Variants in ARHGAP10 observed in about 807,000 individuals in gnomAD.
ARHGAP10 encodes the protein rho GTPase-activating protein 10.
Under a neutral mutation model 108.6 loss-of-function variants are expected in ARHGAP10, and 87 were observed. That is an observed-to-expected ratio of 0.80 (90% CI 0.67 to 0.96). ARHGAP10 has a LOEUF of 0.96. Among genes scored for constraint, ARHGAP10 ranks in the 40% least tolerant of loss-of-function variants. The pLI, the probability that ARHGAP10 is intolerant of heterozygous loss-of-function variation, is 0.00. For synonymous variants in ARHGAP10, 347 were observed against 341.1 expected (o/e 1.02, Z -0.19); for missense variants, 939 against 954.5 (o/e 0.98, Z 0.21).
intron 10 of ARHGAP10, among the ~76,000 whole-genome samples, chr4:147,886,713 C>T (rs1019383424): frequency 3.9e-5 from 6 of 152,154 alleles, no homozygotes; most frequent in African/African-American, 1.4e-4. Flanking sequence ...AAATACATGA[C>T]CACTGTCCAA....
chr4:148,047,047 A>T lies in ARHGAP10; in HGVS notation c.2023A>T (p.Thr675Ser). Residue 675 changes from threonine (T) to serine (S), a missense_variant, in exon 20 of 23, where the codon ACT (threonine) becomes TCT (serine). Thr to Ser is a moderately conservative substitution (Grantham distance 58, BLOSUM62 1). Coordinates refer to ENST00000336498, the MANE Select transcript of ARHGAP10 (RefSeq NM_024605.4). ...AGGGAGCTTTGGAGACTGGGCATCC[A>T]CTATGTAAGTAACCGTGCTTCTGTT... ...DGGSFGDWASTIPGQTRSSMV... is the reference protein window; with the variant it reads ...DGGSFGDWASSIPGQTRSSMV... The T allele has an allele frequency of 6.2e-7, 1 of 1,613,962 alleles. No individual in the cohort carries two copies. Among genetic ancestry groups the T allele is most frequent in the African/African-American group, 1.3e-5 (1 of 74,998 alleles).
At chr4:147,810,705 T>A (rs1476764937) in intron 1 of ARHGAP10, among the ~76,000 whole-genome samples, 2 of 152,148 alleles carry the variant, frequency 1.3e-5, no homozygotes, top group East Asian at 3.9e-4. Flanking sequence ...CTCTCTGTAG[T>A]GCCTTAGGGT....
intron 1 of ARHGAP10, among the ~76,000 whole-genome samples, chr4:147,738,247 C>T (rs189816412): frequency 1.8e-4 from 28 of 152,192 alleles, no homozygotes; most frequent in Admixed American, 5.9e-4. Flanking sequence ...TCTGTGTTCT[C>T]GTCAGTAAAA....
chr4:147,949,481 T>C (rs1006285611), intron 15 of ARHGAP10, among the ~76,000 whole-genome samples: 5 of 152,198 alleles, frequency 3.3e-5, no homozygotes, highest in African/African-American at 1.2e-4. Context: ...ATTACTGATT[T>C]TCACCATTGC....
intron 1 of ARHGAP10, among the ~76,000 whole-genome samples, chr4:147,739,779 A>G (rs1450914293): frequency 6.9e-6 from 1 of 145,292 alleles, no homozygotes; most frequent in Non-Finnish European, 1.5e-5. Context: ...TTTGTTGCCC[A>G]GGCTGGAGTG....
chr4:147,941,783 T>C (rs527403067), intron 14 of ARHGAP10, among the ~76,000 whole-genome samples: 2 of 152,356 alleles, frequency 1.3e-5, no homozygotes, highest in South Asian at 4.1e-4. Context: ...CATTTTCTTA[T>C]TACCTTATGC....
chr4:147,894,222 A>G (rs1170136589), intron 10 of ARHGAP10, among the ~76,000 whole-genome samples: 1 of 152,214 alleles, frequency 6.6e-6, no homozygotes, highest in Non-Finnish European at 1.5e-5. Flanking sequence ...TTACCCTCCC[A>G]TCAGCAGTGT....
intron 13 of ARHGAP10, among the ~76,000 whole-genome samples, chr4:147,915,716 C>T (rs192502033): frequency 1.3e-5 from 2 of 152,146 alleles, no homozygotes; most frequent in African/African-American, 2.4e-5. Flanking sequence ...ATATTTTTCC[C>T]CCCAAAGGTC....
intron 1 of ARHGAP10, among the ~76,000 whole-genome samples, chr4:147,738,605 A>C (rs1728527941): frequency 6.6e-6 from 1 of 152,272 alleles, no homozygotes; most frequent in South Asian, 2.1e-4. Context: ...TAAAAGTAGG[A>C]TTTGTTAATA....
chr4:148,009,307 T>G (rs1238582943), intron 18 of ARHGAP10, among the ~76,000 whole-genome samples: 1 of 152,086 alleles, frequency 6.6e-6, no homozygotes, highest in Non-Finnish European at 1.5e-5. Flanking sequence ...AATTTTTGTA[T>G]TTTTAGTAGA....
intron 13 of ARHGAP10, among the ~76,000 whole-genome samples, chr4:147,920,262 C>G (rs1014066642): frequency 9.3e-5 from 12 of 128,652 alleles, no homozygotes; most frequent in Non-Finnish European, 1.5e-4. Flanking sequence ...ACCAAAAATA[C>G]AAAAATTAGC....
chr4:147,947,795 C>T (rs1351885462), intron 15 of ARHGAP10, among the ~76,000 whole-genome samples: 2 of 152,054 alleles, frequency 1.3e-5, no homozygotes, highest in South Asian at 2.1e-4. Flanking sequence ...ACTTATATGA[C>T]GTATTTTGTA....
chr4:147,852,876 G>T (rs189481706), intron 4 of ARHGAP10, among the ~76,000 whole-genome samples: 1 of 151,820 alleles, frequency 6.6e-6, no homozygotes, highest in African/African-American at 2.4e-5. Context: ...GCGCCAGCAC[G>T]CCAGGCTAAT....
intron 16 of ARHGAP10, among the ~76,000 whole-genome samples, chr4:147,964,447 G>A (rs1045033905): frequency 1.7e-4 from 26 of 152,182 alleles, no homozygotes; most frequent in African/African-American, 5.8e-4. Flanking sequence ...CATGCCTTCT[G>A]TTTCTAGGGC....
chr4:147,786,784 A>AG (rs911961462), intron 1 of ARHGAP10, among the ~76,000 whole-genome samples: 6 of 152,296 alleles, frequency 3.9e-5, no homozygotes, highest in African/African-American at 1.4e-4. Context: ...GTATGGGTGG[A>AG]GGAAAGGTGG....
chr4:147,779,923 A>G (rs1274064972), intron 1 of ARHGAP10, among the ~76,000 whole-genome samples: 1 of 152,168 alleles, frequency 6.6e-6, no homozygotes, highest in Admixed American at 6.5e-5. Flanking sequence ...TTCCCTAGAC[A>G]CTTACACCCT....
intron 19 of ARHGAP10, among the ~76,000 whole-genome samples, chr4:148,025,244 G>T (rs1365540080): frequency 1.3e-5 from 2 of 152,122 alleles, no homozygotes; most frequent in Non-Finnish European, 2.9e-5. Context: ...GGAAAGGATT[G>T]TCAGCTACTT....
rs80271450 is a variant in ARHGAP10 at position 147,877,565 on chromosome 4, T to C, written c.833-1667T>C. ...GTGATAACAGATGTTAATTGCTTTT[T>C]TAAAAGTGTCTTGACTCAGTAAAGT... On this transcript the variant is annotated intron_variant, in intron 8 of 22. Transcript: ENST00000336498. Among the ~76,000 whole-genome samples, 732 of 152,362 alleles carry C rather than the reference T, an allele frequency of 4.8e-3. 2 individuals carry two copies. The highest frequency in any genetic ancestry group is 8.4e-3 in the Non-Finnish European group (573 of 68,030).
At chr4:147,838,482 A>AAAC (rs1553955415) in intron 3 of ARHGAP10, among the ~76,000 whole-genome samples, 75 of 149,284 alleles carry the variant, frequency 5.0e-4, no homozygotes, top group East Asian at 9.9e-4. Context: ...TTAAAAAAAA[A>AAAC]ACACACACAC....
Sources: gnomAD v4.1 joint callset for allele counts (sites outside exome capture counted in the v4.1 genomes callset) on GRCh38, gnomAD v4.1.1 for gene constraint, MANE v1.5 for transcripts, NCBI Gene and HGNC (gene_info 2026-07-23, HGNC 2026-07-21) for gene names.